MTF2: variants seen among roughly 807,000 people sequenced by gnomAD.
MTF2 encodes metal response element binding transcription factor 2, also known as metal-response element-binding transcription factor 2.
Under a neutral mutation model 79.5 loss-of-function variants are expected in MTF2, and 11 were observed. The observed-to-expected ratio is 0.14, with a 90% CI of 0.09 to 0.23. The LOEUF (loss-of-function observed/expected upper bound fraction) is 0.23, where lower values mean the gene tolerates loss of function less well. Ranked by LOEUF, MTF2 falls within the 10% of genes least tolerant of loss-of-function variation. The pLI, the probability that MTF2 is intolerant of heterozygous loss-of-function variation, is 1.00. For synonymous variants in MTF2, 208 were observed against 232.8 expected (o/e 0.89, Z 0.97); for missense variants, 486 against 711.2 (o/e 0.68, Z 3.60).
Position 93,119,332 on chromosome 1 carries a change from G to GT in MTF2, c.729-1_729insT (p.Arg243SerfsTer40). On this transcript the variant is annotated frameshift_variant and splice_region_variant. Coordinates refer to ENST00000370298, the MANE Select transcript of MTF2 (RefSeq NM_007358.4). LOFTEE classifies it high-confidence loss of function. ...CTTTTTCTTTTTTTTTTTTTTCTTA[G>GT]ATTTTATACGTTTATATGCTCTGTC... The GT allele has an allele frequency of 6.8e-7, 1 of 1,465,474 alleles. No individual in the cohort carries two copies. The highest frequency in any genetic ancestry group is 2.4e-5 in the East Asian group (1 of 41,594). The allele number at this position is 1,465,474 out of a possible 1,614,324, so 90.8% of individuals were successfully genotyped here.
chr1:93,097,760 G>A (rs1380818583), intron 1 of MTF2, among the ~76,000 whole-genome samples: 1 of 152,062 alleles, frequency 6.6e-6, no homozygotes, highest in African/African-American at 2.4e-5. Flanking sequence ...ACCATGCTCA[G>A]TTATTTTTTG....
At chr1:93,110,752 G>A in intron 3 of MTF2, 126 bp downstream of exon 3, 2 of 748,598 alleles carry the variant, frequency 2.7e-6, no homozygotes, top group South Asian at 1.9e-5. Context: ...TCCTAGGAGA[G>A]GTTAAAAAAT....
At position 93,136,880 on chromosome 1, in the gene MTF2, C is replaced by A. The variant is rs763362855; in HGVS notation, c.1635C>A (p.Leu545=). 2.2e-5 allele frequency: 36 copies of A among 1,614,120 alleles called. No homozygotes were observed. Among genetic ancestry groups the A allele is most frequent in the Non-Finnish European group, 3.0e-5 (35 of 1,179,994 alleles). ...LNNLADQELQ[L]NHLKNSITSY... ...ACTTAGCAGATCAGGAGTTACAACT[C>A]AATCATCTAAAGAACTCCATTACCA... The change falls in exon 15 of 15, where the codon CTC becomes CTA. Residue 545 remains leucine, a synonymous_variant. Coordinates refer to ENST00000370298, the MANE Select transcript of MTF2 (RefSeq NM_007358.4).
At chr1:93,128,505 C>T (rs1267767464) in intron 10 of MTF2, among the ~76,000 whole-genome samples, 3 of 147,494 alleles carry the variant, frequency 2.0e-5, no homozygotes, top group Admixed American at 6.9e-5. Flanking sequence ...TGCAGTGAGC[C>T]GAATTGAGCC....
intron 1 of MTF2, among the ~76,000 whole-genome samples, chr1:93,103,718 A>G (rs1187311041): frequency 6.6e-6 from 1 of 152,180 alleles, no homozygotes; most frequent in East Asian, 1.9e-4. Context: ...TTTGACTTCT[A>G]ATAAAGGTCA....
intron 11 of MTF2, among the ~76,000 whole-genome samples, chr1:93,133,292 G>A (rs565012674): frequency 6.6e-6 from 1 of 152,158 alleles, no homozygotes; most frequent in East Asian, 1.9e-4. Flanking sequence ...TAAATTCATA[G>A]TCATTTTTAG....
At chr1:93,135,479 T>G (rs1200299045) in intron 14 of MTF2, among the ~76,000 whole-genome samples, 3 of 152,244 alleles carry the variant, frequency 2.0e-5, no homozygotes, top group Admixed American at 2.0e-4. Context: ...TCGACTTTTT[T>G]GGGGCCTCTT....
At chr1:93,112,255 T>C (rs1272613617) in intron 3 of MTF2, among the ~76,000 whole-genome samples, 1 of 152,232 alleles carries the variant, frequency 6.6e-6, no homozygotes, top group Non-Finnish European at 1.5e-5. Flanking sequence ...TAAATGAATC[T>C]GAAACCTGCG....
rs895804260 is a variant in MTF2, at chr1:93,130,050, A to G, written c.1160+602A>G. 7.2e-5 allele frequency among the ~76,000 whole-genome samples: 11 copies of G among 152,220 alleles called. 1 individual carries two copies. Among genetic ancestry groups the G allele is most frequent in the Non-Finnish European group, 1.5e-5 (1 of 68,038 alleles). ...GAATGAGAATGTTATAACAATGTGA[A>G]AAACAAAGGGAAAAACTACTCCAGC... On this transcript the variant is annotated intron_variant, in intron 11 of 14. Coordinates refer to ENST00000370298, the MANE Select transcript of MTF2 (RefSeq NM_007358.4).
At chr1:93,117,525 G>A (rs1557554489) in intron 6 of MTF2, among the ~76,000 whole-genome samples, 1 of 152,192 alleles carries the variant, frequency 6.6e-6, no homozygotes, top group Non-Finnish European at 1.5e-5. Flanking sequence ...ACCTGGTAGA[G>A]TCTTAGATTA....
At chr1:93,096,589 TC>T (rs1294905896) in intron 1 of MTF2, among the ~76,000 whole-genome samples, 1 of 151,944 alleles carries the variant, frequency 6.6e-6, no homozygotes, top group Non-Finnish European at 1.5e-5. Flanking sequence ...TTTTCTTTTT[TC>T]TTCCTTCAAC....
At chr1:93,131,404 C>T (rs1656912593) in intron 11 of MTF2, among the ~76,000 whole-genome samples, 1 of 152,078 alleles carries the variant, frequency 6.6e-6, no homozygotes. Flanking sequence ...TGAAGTGGTA[C>T]AGATAGAAAC....
intron 11 of MTF2, among the ~76,000 whole-genome samples, chr1:93,130,946 AACACAC>A (rs60658361): frequency 1.3e-5 from 2 of 148,978 alleles, no homozygotes; most frequent in South Asian, 2.1e-4. Flanking sequence ...ATGAGGGACA[AACACAC>A]ACACACACAC....
chr1:93,127,404 A>G, intron 10 of MTF2, 105 bp downstream of exon 10: 1 of 715,894 alleles, frequency 1.4e-6, no homozygotes, highest in African/African-American at 1.8e-5. Context: ...GAAGAAGTCT[A>G]TACCATTTTA....
chr1:93,083,171 G>A (rs961367992), intron 1 of MTF2, among the ~76,000 whole-genome samples: 3 of 152,200 alleles, frequency 2.0e-5, no homozygotes, highest in Non-Finnish European at 4.4e-5. Context: ...ACAGCAGGAG[G>A]ATTAGAGATG....
In MTF2 at chr1:93,110,097, T is replaced by C. The variant is rs191241302; in HGVS notation, c.6-133T>C. On this transcript the variant is annotated intron_variant, in intron 1 of 14. Transcript: ENST00000370298. ...CTTTGTTTGGAGAGTATTTATGATT[T>C]GAGGTACTTTTTATATTTTTGTCTT... The C allele has an allele frequency of 3.7e-6, 3 of 800,832 alleles. No individual in the cohort carries two copies. The East Asian group carries it at 8.0e-5, about 21-fold the overall frequency. 49.6% of individuals were successfully genotyped at this position (800,832 alleles called of 1,614,324 possible).
At chr1:93,106,337 T>A (rs988865549) in intron 1 of MTF2, among the ~76,000 whole-genome samples, 25 of 152,224 alleles carry the variant, frequency 1.6e-4, no homozygotes, top group African/African-American at 4.3e-4. Context: ...AAACTGGGAA[T>A]GTTTGCAATT....
At chr1:93,107,185 C>A (rs1655829851) in intron 1 of MTF2, among the ~76,000 whole-genome samples, 1 of 152,136 alleles carries the variant, frequency 6.6e-6, no homozygotes, top group Non-Finnish European at 1.5e-5. Flanking sequence ...TAAACACACA[C>A]ACGTACCCCC....
chr1:93,123,866 A>G (rs1197025484), intron 9 of MTF2, among the ~76,000 whole-genome samples: 1 of 147,572 alleles, frequency 6.8e-6, no homozygotes, highest in Non-Finnish European at 1.5e-5. Context: ...TCTGCCACAC[A>G]TGCATTGCCT....
Sources: gnomAD v4.1 joint callset for allele counts (sites outside exome capture counted in the v4.1 genomes callset) on GRCh38, gnomAD v4.1.1 for gene constraint, MANE v1.5 for transcripts, NCBI Gene and HGNC (gene_info 2026-07-23, HGNC 2026-07-21) for gene names.